SEMA5A: variants seen among roughly 807,000 people sequenced by gnomAD.
SEMA5A encodes semaphorin-5A.
A neutral mutation model predicts 135.5 loss-of-function variants in SEMA5A; 55 were observed. The ratio of observed to expected loss-of-function variants is 0.41; its 90% CI spans 0.33 to 0.51. The LOEUF (loss-of-function observed/expected upper bound fraction) is 0.51. Among genes scored for constraint, SEMA5A ranks in the 20% least tolerant of loss-of-function variants. The pLI is 0.37. For missense variants in SEMA5A, 1,290 were observed against 1,419.9 expected, an observed-to-expected ratio of 0.91 and a Z score of 1.47; for synonymous variants, 580 against 546.5, an observed-to-expected ratio of 1.06 and a Z score of -0.85.
intron 3 of SEMA5A, among the ~76,000 whole-genome samples, chr5:9,364,152 C>A (rs922923837): frequency 9.2e-5 from 14 of 152,236 alleles, no homozygotes; most frequent in Admixed American, 4.6e-4. Context: ...CTTTAACAAC[C>A]ATGTAAATTT....
At chr5:9,305,529 A>AT (rs1292796717) in intron 5 of SEMA5A, among the ~76,000 whole-genome samples, 1 of 151,804 alleles carries the variant, frequency 6.6e-6, no homozygotes, top group Non-Finnish European at 1.5e-5. Flanking sequence ...TCTGGGTGGG[A>AT]TTTTTTTGTA....
intron 3 of SEMA5A, among the ~76,000 whole-genome samples, chr5:9,356,285 C>T (rs1213366986): frequency 3.3e-5 from 5 of 152,052 alleles, no homozygotes; most frequent in East Asian, 3.9e-4. Context: ...ACCCACGTTC[C>T]GTATATTAGA....
At chr5:9,173,137 C>T (rs1744016805) in intron 11 of SEMA5A, among the ~76,000 whole-genome samples, 2 of 152,166 alleles carry the variant, frequency 1.3e-5, no homozygotes, top group African/African-American at 4.8e-5. Flanking sequence ...AATGAAATGG[C>T]ACTGTTGAAG....
At chr5:9,384,133 G>A (rs1286090835) in intron 2 of SEMA5A, among the ~76,000 whole-genome samples, 1 of 152,130 alleles carries the variant, frequency 6.6e-6, no homozygotes, top group Admixed American at 6.5e-5. Context: ...ACAGGAAAGG[G>A]CATTCATAGT....
intron 16 of SEMA5A, among the ~76,000 whole-genome samples, chr5:9,105,122 G>A (rs1032268270): frequency 2.7e-4 from 41 of 152,342 alleles, no homozygotes; most frequent in Non-Finnish European, 3.5e-4. Context: ...CTCTGTGTCT[G>A]TCAATCAGCT....
chr5:9,079,281 G>A (rs1279587794), intron 16 of SEMA5A, among the ~76,000 whole-genome samples: 2 of 152,010 alleles, frequency 1.3e-5, no homozygotes, highest in Admixed American at 6.6e-5. Context: ...ACAACTACAT[G>A]GAAACTGAAC....
At chr5:9,057,910 A>T (rs1210908186) in intron 18 of SEMA5A, among the ~76,000 whole-genome samples, 2 of 152,220 alleles carry the variant, frequency 1.3e-5, no homozygotes, top group East Asian at 3.9e-4. Flanking sequence ...TGATTATTGT[A>T]CTAACAATTC....
At chr5:9,353,075 A>AAAGG (rs1272030072) in intron 3 of SEMA5A, among the ~76,000 whole-genome samples, 30 of 28,656 alleles carry the variant, frequency 1.0e-3, no homozygotes, top group South Asian at 9.0e-3. Flanking sequence ...AAAGGAAAGG[A>AAAGG]AAGGAAAGGA....
At chr5:9,399,856 T>C (rs1163009318) in intron 2 of SEMA5A, among the ~76,000 whole-genome samples, 2 of 152,172 alleles carry the variant, frequency 1.3e-5, no homozygotes, top group South Asian at 2.1e-4. Context: ...GAGAGCTCTT[T>C]ATATAGGAAG....
intron 5 of SEMA5A, among the ~76,000 whole-genome samples, chr5:9,263,195 C>T (rs1749496892): frequency 6.6e-6 from 1 of 152,044 alleles, no homozygotes; most frequent in African/African-American, 2.4e-5. Context: ...AGAAAAATTC[C>T]CATTCCCCAT....
intron 3 of SEMA5A, among the ~76,000 whole-genome samples, chr5:9,361,655 C>T (rs544574963): frequency 4.6e-5 from 7 of 152,346 alleles, no homozygotes; most frequent in Admixed American, 2.6e-4. Context: ...TCATCCACAT[C>T]ATGATCTTTT....
chr5:9,054,154 G>C lies in SEMA5A; in HGVS notation c.2622C>G (p.Ala874=), dbSNP rs929036471. The part of the protein sequence containing the change: ...RTRSCSNPAP[A]YGGDICLGLH... ...GCCCCAGGCAGATGTCCCCTCCATA[G>C]GCCGGGGCTGGATTGGAGCAAGAGC... The change falls in exon 19 of 23, where the codon GCC becomes GCG. Residue 874 remains alanine (A), a synonymous_variant. Coordinates refer to ENST00000382496, the MANE Select transcript of SEMA5A (RefSeq NM_003966.3). 1 of 1,613,988 alleles carries C rather than the reference G, an allele frequency of 6.2e-7. No individual in the cohort carries two copies. Among genetic ancestry groups the C allele is most frequent in the African/African-American group, 1.3e-5 (1 of 75,014 alleles).
At chr5:9,475,313 A>T (rs1434440068) in intron 1 of SEMA5A, among the ~76,000 whole-genome samples, 3 of 152,130 alleles carry the variant, frequency 2.0e-5, no homozygotes, top group Non-Finnish European at 2.9e-5. Flanking sequence ...CTATTCTCCC[A>T]TCACCCTCAT....
Position 9,036,684 on chromosome 5 carries a change from A to G in SEMA5A, c.*6213T>C, listed in dbSNP as rs1161649041. 1 of 152,628 alleles carries G rather than the reference A, an allele frequency of 6.6e-6. No homozygotes were observed. Among genetic ancestry groups the G allele is most frequent in the East Asian group, 1.9e-4 (1 of 5,196 alleles). 9.5% of individuals were successfully genotyped at this position (152,628 alleles called of 1,614,324 possible). A position where few individuals can be genotyped will look rare whatever the true frequency, so the allele number is the denominator to read the frequency against. ...CCAGTGAGGGCAAAAATCACATCTG[A>G]AGATGATGTGCTTCTTGGTCATTTT... On this transcript the variant is annotated 3_prime_UTR_variant, in exon 23 of 23. Coordinates refer to ENST00000382496, the MANE Select transcript of SEMA5A (RefSeq NM_003966.3).
chr5:9,382,014 G>A (rs967261267), intron 2 of SEMA5A, among the ~76,000 whole-genome samples: 1 of 146,860 alleles, frequency 6.8e-6, no homozygotes, highest in African/African-American at 2.5e-5. Flanking sequence ...TCAGACACGT[G>A]GCCAGGCATG....
At chr5:9,231,291 C>G (rs771901949) in intron 6 of SEMA5A, among the ~76,000 whole-genome samples, 84 of 151,880 alleles carry the variant, frequency 5.5e-4, no homozygotes, top group Non-Finnish European at 1.0e-3. Context: ...ACATGAAACC[C>G]CATGCCTACT....
intron 4 of SEMA5A, among the ~76,000 whole-genome samples, chr5:9,335,785 T>C (rs1187314005): frequency 3.3e-5 from 5 of 152,156 alleles, no homozygotes; most frequent in Non-Finnish European, 7.4e-5. Context: ...AGTGTTCACC[T>C]GGATGCAGAG....
chr5:9,044,632 G>A, intron 21 of SEMA5A, 48 bp from the exon 22 acceptor site: 1 of 1,488,972 alleles, frequency 6.7e-7, no homozygotes, highest in Non-Finnish European at 9.4e-7. Flanking sequence ...AGAACATCCT[G>A]CCTAGCTACT....
At chr5:9,326,718 T>C (rs1001202326) in intron 4 of SEMA5A, among the ~76,000 whole-genome samples, 3 of 152,066 alleles carry the variant, frequency 2.0e-5, no homozygotes, top group African/African-American at 4.8e-5. Context: ...AAGGTGGAGG[T>C]TGCACTGAGC....
Sources: gnomAD v4.1 joint callset for allele counts (sites outside exome capture counted in the v4.1 genomes callset) on GRCh38, gnomAD v4.1.1 for gene constraint, MANE v1.5 for transcripts, NCBI Gene and HGNC (gene_info 2026-07-23, HGNC 2026-07-21) for gene names.